APBB2: variants seen among roughly 807,000 people sequenced by gnomAD.
The protein encoded by APBB2 is amyloid beta precursor protein binding family B member 2.
In APBB2, 38 loss-of-function variants were observed where a neutral mutation model predicts 82.5. That is an observed-to-expected ratio of 0.46 (90% CI 0.36 to 0.60). The LOEUF is 0.60. APBB2 is among the 20% of genes least tolerant of loss of function. APBB2 has a pLI of 0.00. For synonymous variants in APBB2, 341 were observed against 368.2 expected, an observed-to-expected ratio of 0.93 and a Z score of 0.85; for missense variants, 772 against 972.3, an observed-to-expected ratio of 0.79 and a Z score of 2.74.
chr4:40,910,137 T>TC (rs1051990874), intron 10 of APBB2, among the ~76,000 whole-genome samples: 3 of 151,510 alleles, frequency 2.0e-5, no homozygotes, highest in Non-Finnish European at 4.4e-5. Flanking sequence ...TTTTTTTTTT[T>TC]TTGTAATTTT....
chr4:41,085,988 G>C (rs1198715089), intron 3 of APBB2, among the ~76,000 whole-genome samples: 1 of 151,948 alleles, frequency 6.6e-6, no homozygotes, highest in East Asian at 1.9e-4. Flanking sequence ...ACTAAAATCA[G>C]AAGTGAAAAA....
chr4:41,032,774 CTTTCTTTTTTTTTT>C (rs1335393290), intron 5 of APBB2, among the ~76,000 whole-genome samples: 14 of 89,236 alleles, frequency 1.6e-4, no homozygotes, highest in African/African-American at 3.9e-4. Flanking sequence ...ATTCATTTTT[CTTTCTTTTTTTTTT>C]TTTTTTTTTT....
intron 6 of APBB2, among the ~76,000 whole-genome samples, chr4:40,985,113 C>A (rs547781115): frequency 3.5e-4 from 53 of 152,030 alleles, no homozygotes; most frequent in African/African-American, 1.2e-3. Context: ...TGGGGTTTCA[C>A]CATATTGCCC....
intron 5 of APBB2, among the ~76,000 whole-genome samples, chr4:41,023,165 T>A (rs990534097): frequency 2.6e-5 from 4 of 152,230 alleles, no homozygotes; most frequent in Admixed American, 2.6e-4. Flanking sequence ...CTGTCAAACA[T>A]GACTGTTCAT....
At position 40,893,391 on chromosome 4, in the gene APBB2, C is replaced by G. The variant is rs1553958820; in HGVS notation, c.1275G>C (p.Leu425=). 2 of 1,612,306 alleles carry G rather than the reference C, an allele frequency of 1.2e-6. No individual in the cohort carries two copies. Among genetic ancestry groups the G allele is most frequent in the Non-Finnish European group, 1.7e-6 (2 of 1,179,192 alleles). ...PEAKCFAVRS[L]GWVEMAEEDL... ...CCTCTTCTGCCATCTCTACCCATCCCAGAGAACGCACAGCAAAACACTGGA... is the reference window on the plus strand; with the variant it reads ...CCTCTTCTGCCATCTCTACCCATCCGAGAGAACGCACAGCAAAACACTGGA... The change falls in exon 11 of 18, where the codon CTG becomes CTC. Residue 425 remains leucine, a synonymous_variant. Coordinates refer to ENST00000508593, the MANE Select transcript of APBB2 (RefSeq NM_004307.2).
At chr4:40,849,109 G>C (rs548447619) in intron 12 of APBB2, among the ~76,000 whole-genome samples, 1 of 152,120 alleles carries the variant, frequency 6.6e-6, no homozygotes, top group African/African-American at 2.4e-5. Flanking sequence ...CTAAGGGAAT[G>C]ATGCCACAAA....
At chr4:40,898,878 C>CAG (rs1361785691) in intron 10 of APBB2, among the ~76,000 whole-genome samples, 65 of 116,174 alleles carry the variant, frequency 5.6e-4, no homozygotes, top group East Asian at 1.1e-3. Context: ...CACACACACA[C>CAG]ACAGAACACT....
At chr4:40,965,219 A>G (rs6855534) in intron 6 of APBB2, among the ~76,000 whole-genome samples, 33,683 of 152,208 alleles carry the variant, frequency 0.22, 4,060 homozygotes, top group Non-Finnish European at 0.26. Context: ...CCATTAAATA[A>G]GAGGGATGCT....
rs151018754 is a variant in APBB2 at position 40,869,989 on chromosome 4, C to T, written c.1529+20375G>A. 2.2e-3 allele frequency among the ~76,000 whole-genome samples: 332 copies of T among 151,930 alleles called. 1 individual carries two copies. The highest frequency in any genetic ancestry group is 7.9e-3 in the South Asian group (38 of 4,812). On this transcript the variant is annotated intron_variant, in intron 12 of 17. Coordinates refer to ENST00000508593, the MANE Select transcript of APBB2 (RefSeq NM_004307.2). ...AATATGGACTACATTTCACAACCTT[C>T]AAGTTTAAATGGAAGAGAGAAAAAA...
At chr4:41,074,486 GA>G (rs1366747386) in intron 3 of APBB2, among the ~76,000 whole-genome samples, 3 of 152,148 alleles carry the variant, frequency 2.0e-5, no homozygotes, top group Non-Finnish European at 2.9e-5. Context: ...CCTGCAAATA[GA>G]AAGATTTCGT....
Position 41,114,984 on chromosome 4 carries a change from C to T in APBB2, c.-260-14234G>A, listed in dbSNP as rs1430692985. Reference sequence around the variant, plus strand: ...TTAGAAAATACTACTTTAAATTTCACATGGAACCAAAAAAGAGCCCGTATA... The same window carrying T: ...TTAGAAAATACTACTTTAAATTTCATATGGAACCAAAAAAGAGCCCGTATA... On this transcript the variant is annotated intron_variant, in intron 2 of 17. Transcript: ENST00000508593. Among the ~76,000 whole-genome samples, 3 of 152,130 alleles carry T rather than the reference C, an allele frequency of 2.0e-5. No individual in the cohort carries two copies. The East Asian group carries it at 5.8e-4, about 29-fold the overall frequency.
At chr4:40,831,686 C>T (rs1396170791) in intron 12 of APBB2, among the ~76,000 whole-genome samples, 1 of 152,184 alleles carries the variant, frequency 6.6e-6, no homozygotes, top group Non-Finnish European at 1.5e-5. Context: ...AGGGCAATCA[C>T]AGGGAATGTC....
intron 16 of APBB2, 117 bp from the exon 17 acceptor site, chr4:40,822,167 G>T: frequency 2.4e-6 from 3 of 1,262,320 alleles, no homozygotes; most frequent in Non-Finnish European, 2.2e-6. Flanking sequence ...GAAAGGACCT[G>T]TGTTTTTCTC....
At chr4:40,880,431 C>A in intron 12 of APBB2, 3 of 985,422 alleles carry the variant, frequency 3.0e-6, no homozygotes, top group Non-Finnish European at 3.6e-6. Flanking sequence ...GTGACTGCAC[C>A]TTCCTTTGCA....
chr4:41,051,652 G>A (rs1725977925), intron 4 of APBB2, among the ~76,000 whole-genome samples: 1 of 152,152 alleles, frequency 6.6e-6, no homozygotes. Context: ...CTCTAGGCCA[G>A]GCTCTTATTA....
At chr4:40,918,544 CCA>C (rs1331599192) in intron 10 of APBB2, among the ~76,000 whole-genome samples, 1 of 152,220 alleles carries the variant, frequency 6.6e-6, no homozygotes, top group Non-Finnish European at 1.5e-5. Flanking sequence ...GTGGCAATCC[CCA>C]TTTTTGGCAG....
intron 1 of APBB2, among the ~76,000 whole-genome samples, chr4:41,172,321 C>T (rs1240894294): frequency 2.0e-5 from 3 of 151,958 alleles, no homozygotes; most frequent in Non-Finnish European, 4.4e-5. Flanking sequence ...TTCCCACCCC[C>T]ATCCGCCAGC....
At chr4:41,142,589 T>C (rs1278181550) in intron 2 of APBB2, among the ~76,000 whole-genome samples, 1 of 152,146 alleles carries the variant, frequency 6.6e-6, no homozygotes, top group African/African-American at 2.4e-5. Context: ...CACAAATGAG[T>C]GCAAGTCTTT....
intron 1 of APBB2, among the ~76,000 whole-genome samples, chr4:41,196,863 T>C: frequency 7.2e-5 from 11 of 152,250 alleles, no homozygotes; most frequent in Admixed American, 2.6e-4. Context: ...AGCTCTGAAA[T>C]GTGTGGCCGA....
Sources: allele counts gnomAD v4.1 joint callset (sites outside exome capture counted in the v4.1 genomes callset), GRCh38; gene constraint gnomAD v4.1.1; transcripts MANE v1.5; gene names NCBI Gene and HGNC (gene_info 2026-07-23, HGNC 2026-07-21).